Variants in FAM13A observed in about 807,000 individuals in gnomAD.
FAM13A encodes family with sequence similarity 13 member A.
In FAM13A, 76 loss-of-function variants were observed where a neutral mutation model predicts 129.6. That is an observed-to-expected ratio of 0.59 (90% CI 0.49 to 0.71). The LOEUF (loss-of-function observed/expected upper bound fraction) is 0.71. Among genes scored for constraint, FAM13A ranks in the 30% least tolerant of loss-of-function variants. FAM13A has a pLI of 0.00. For synonymous variants in FAM13A, 443 were observed against 449.9 expected, an observed-to-expected ratio of 0.98 and a Z score of 0.20; for missense variants, 1,108 against 1,249.3, an observed-to-expected ratio of 0.89 and a Z score of 1.70.
chr4:88,880,614 C>G (rs1447450698), intron 6 of FAM13A, among the ~76,000 whole-genome samples: 1 of 152,254 alleles, frequency 6.6e-6, no homozygotes, highest in East Asian at 1.9e-4. Flanking sequence ...GCATTGGAAT[C>G]AGGAGTGCAG....
At chr4:88,984,280 A>C (rs1400090965) in intron 4 of FAM13A, among the ~76,000 whole-genome samples, 11 of 152,210 alleles carry the variant, frequency 7.2e-5, no homozygotes, top group Admixed American at 7.2e-4. Flanking sequence ...ACAAAAGAAA[A>C]AACAGATACA....
At chr4:88,890,940 G>A (rs563796339) in intron 6 of FAM13A, among the ~76,000 whole-genome samples, 8 of 152,136 alleles carry the variant, frequency 5.3e-5, no homozygotes, top group South Asian at 4.2e-4. Context: ...GAACAGAAAC[G>A]TGAATAGACC....
At position 88,939,742 on chromosome 4, in the gene FAM13A, G is replaced by A. The variant is rs150528897; in HGVS notation, c.606-1501C>T. Reference sequence around the variant, plus strand: ...AACTGAAGTGAGAGATTCTCCCATCGGCCTTAAAGATATAAGCAGTCAAGT... The same window carrying A: ...AACTGAAGTGAGAGATTCTCCCATCAGCCTTAAAGATATAAGCAGTCAAGT... On this transcript the variant is annotated intron_variant, in intron 4 of 23. Coordinates refer to ENST00000264344, the MANE Select transcript of FAM13A (RefSeq NM_014883.4). Among the ~76,000 whole-genome samples the A allele has an allele frequency of 1.6e-3, 246 of 152,156 alleles. 1 individual carries two copies. Among genetic ancestry groups the A allele is most frequent in the African/African-American group, 5.7e-3 (237 of 41,508 alleles).
At chr4:88,974,040 T>G (rs1214339758) in intron 4 of FAM13A, among the ~76,000 whole-genome samples, 2 of 152,182 alleles carry the variant, frequency 1.3e-5, no homozygotes, top group African/African-American at 4.8e-5. Flanking sequence ...CTCTAGTATA[T>G]TTCAAATTGG....
chr4:89,049,699 C>G lies in FAM13A; in HGVS notation c.27+7239G>C, dbSNP rs146255516. Among the ~76,000 whole-genome samples, 719 of 152,178 alleles carry G rather than the reference C, an allele frequency of 4.7e-3. 6 individuals are homozygous for G. The highest frequency in any genetic ancestry group is 0.017 in the African/African-American group (698 of 41,524). ...TGAGATGGAGTCTTGCACTGTTGCC[C>G]AGGCTGGAGTGCAGTGGTGCATCTC... On this transcript the variant is annotated intron_variant, in intron 1 of 23. Transcript: ENST00000264344.
chr4:88,781,181 T>A lies in FAM13A; in HGVS notation c.1442A>T (p.Asn481Ile), dbSNP rs755415052. 2 of 1,608,658 alleles carry A rather than the reference T, an allele frequency of 1.2e-6. No homozygotes were observed. Among genetic ancestry groups the A allele is most frequent in the Non-Finnish European group, 1.7e-6 (2 of 1,177,182 alleles). Residue 481 changes from asparagine (N) to isoleucine (I), a missense_variant, in exon 11 of 24, where the codon AAT becomes ATT. Coordinates refer to ENST00000264344, the MANE Select transcript of FAM13A (RefSeq NM_014883.4). Reference protein sequence around the residue: ...SSTKLSELHDNQDGLVNMESL... With the variant: ...SSTKLSELHDIQDGLVNMESL... ...TTCACTTACCACAAGACCGTCCTGATTGTCATGAAGCTCAGAAAGTTTAGT... is the reference window on the plus strand; with the variant it reads ...TTCACTTACCACAAGACCGTCCTGAATGTCATGAAGCTCAGAAAGTTTAGT...
chr4:89,016,099 A>G (rs1766447785), intron 3 of FAM13A, among the ~76,000 whole-genome samples: 1 of 152,028 alleles, frequency 6.6e-6, no homozygotes, highest in Non-Finnish European at 1.5e-5. Context: ...AAGACTTTCC[A>G]TTGGAACAAG....
At chr4:88,991,964 C>G (rs1376510918) in intron 3 of FAM13A, among the ~76,000 whole-genome samples, 1 of 152,170 alleles carries the variant, frequency 6.6e-6, no homozygotes, top group Middle Eastern at 3.2e-3. Context: ...CCACCATCCT[C>G]CAAATGATGT....
chr4:88,868,835 G>T (rs2150067807), intron 6 of FAM13A, among the ~76,000 whole-genome samples: 1 of 152,188 alleles, frequency 6.6e-6, no homozygotes, highest in African/African-American at 2.4e-5. Context: ...TTCCTCCTTA[G>T]TTTGTTAATT....
intron 4 of FAM13A, among the ~76,000 whole-genome samples, chr4:88,961,347 CTTTTTTTTTTTTTTTTTTTTTTTTTTT>C (rs773764813): frequency 3.6e-5 from 2 of 55,424 alleles, no homozygotes; most frequent in Non-Finnish European, 6.8e-5. Context: ...TGGAATTTGC[CTTTTTTTTTTTTTTTTTTTTTTTTTTT>C]TTTTTTTTTT....
intron 6 of FAM13A, among the ~76,000 whole-genome samples, chr4:88,886,887 A>G (rs1744512305): frequency 6.7e-6 from 1 of 149,214 alleles, no homozygotes. Context: ...AGCCTGGGCC[A>G]CAAGAGTGAA....
chr4:88,761,591 G>A (rs1744825922), intron 13 of FAM13A, among the ~76,000 whole-genome samples: 1 of 152,126 alleles, frequency 6.6e-6, no homozygotes, highest in Non-Finnish European at 1.5e-5. Context: ...AGGCAGGCAT[G>A]AGAGCGTGGC....
chr4:89,017,430 C>T (rs564744414), intron 3 of FAM13A, among the ~76,000 whole-genome samples: 54 of 151,842 alleles, frequency 3.6e-4, no homozygotes, highest in African/African-American at 1.2e-3. Context: ...AAGAATATGG[C>T]GACTCACAAA....
intron 7 of FAM13A, among the ~76,000 whole-genome samples, chr4:88,813,300 C>G (rs917400941): frequency 6.6e-6 from 1 of 152,074 alleles, no homozygotes; most frequent in African/African-American, 2.4e-5. Context: ...TTTCATTTGT[C>G]TTTAAGATCT....
intron 4 of FAM13A, among the ~76,000 whole-genome samples, chr4:88,964,566 C>T (rs1162393453): frequency 6.6e-6 from 1 of 151,484 alleles, no homozygotes; most frequent in African/African-American, 2.4e-5. Context: ...TAATGAATCA[C>T]CACACTAGCA....
In FAM13A at chr4:88,732,055, T is replaced by C. The variant is rs1279250387; in HGVS notation, c.2790A>G (p.Ile930Met). 1.9e-6 allele frequency: 3 copies of C among 1,614,090 alleles called. No homozygotes were observed. The highest frequency in any genetic ancestry group is 1.6e-4 in the Middle Eastern group (1 of 6,062). Residue 930 changes from isoleucine to methionine, a missense_variant, in exon 22 of 24, where the codon ATA becomes ATG. By Grantham distance (10) the Ile-to-Met change is conservative (BLOSUM62 1). This residue lies in a region of FAM13A where 529 missense variants were observed against 621.2 expected (regional missense o/e 0.85). Transcript: ENST00000264344. ...DGFISPMDDK[I>M]PSKCSQDTGL... is the part of the protein sequence containing the mutation. The stretch of plus-strand genomic sequence containing the variant: ...CTGTGTCCTGGCTGCATTTTGATGG[T>C]ATTTTATCATCCATTGGGGAAATAA...
chr4:88,738,954 A>C, intron 20 of FAM13A, 76 bp downstream of exon 20: 1 of 895,550 alleles, frequency 1.1e-6, no homozygotes, highest in South Asian at 1.3e-5. Flanking sequence ...AAAGCAGGTT[A>C]GGGCCCTATT....
intron 13 of FAM13A, among the ~76,000 whole-genome samples, chr4:88,760,107 C>T (rs1410806820): frequency 6.6e-6 from 1 of 152,202 alleles, no homozygotes; most frequent in African/African-American, 2.4e-5. Context: ...GTATGAGAAA[C>T]GTTTCTGTGC....
intron 6 of FAM13A, among the ~76,000 whole-genome samples, chr4:88,857,446 G>A (rs1001796050): frequency 8.6e-5 from 13 of 151,914 alleles, no homozygotes; most frequent in African/African-American, 3.1e-4. Context: ...TGGCCAACAT[G>A]GTGAAACCCT....
Sources: allele counts gnomAD v4.1 joint callset (sites outside exome capture counted in the v4.1 genomes callset), GRCh38; gene constraint gnomAD v4.1.1; regional missense constraint gnomAD v4.1.1; transcripts MANE v1.5; gene names NCBI Gene and HGNC (gene_info 2026-07-23, HGNC 2026-07-21).